The following SCARA5 variants were observed in gnomAD, a reference collection of about 807,000 sequenced individuals.
SCARA5 encodes scavenger receptor class A member 5.
Under a neutral mutation model 46.3 loss-of-function variants are expected in SCARA5, and 45 were observed. The ratio of observed to expected loss-of-function variants is 0.97; its 90% confidence interval spans 0.76 to 1.24. The LOEUF is 1.24. Ranked by LOEUF, SCARA5 falls within the 50% of genes most tolerant of loss-of-function variation. SCARA5 has a pLI of 0.00. For missense variants in SCARA5, 680 were observed against 689.0 expected (o/e 0.99, Z 0.15); for synonymous variants, 333 against 306.5 (o/e 1.09, Z -0.90).
chr8:27,880,903 T>C (rs1189435820), intron 7 of SCARA5, among the ~76,000 whole-genome samples: 1 of 147,398 alleles, frequency 6.8e-6, no homozygotes, highest in Non-Finnish European at 1.5e-5. Context: ...AACAGATATT[T>C]CTCAAAAGAA....
At chr8:27,901,552 G>A (rs1242878504) in intron 7 of SCARA5, among the ~76,000 whole-genome samples, 5 of 152,238 alleles carry the variant, frequency 3.3e-5, no homozygotes, top group East Asian at 3.9e-4. Flanking sequence ...CTCCCCCACA[G>A]AGCCCGGGTC....
chr8:27,980,921 C>G (rs1470466184), intron 2 of SCARA5, among the ~76,000 whole-genome samples: 1 of 152,182 alleles, frequency 6.6e-6, no homozygotes, highest in East Asian at 1.9e-4. Context: ...AAAACACTCT[C>G]CAGGCCAGGG....
rs778973809 is a variant in SCARA5, at chr8:27,871,920, G to A, written c.*14C>T. ...TGCTCTGTGCAGGACCCCGAACTTG[G>A]GCTCTGCCCACTTTCAGTGTCTGTT... On this transcript the variant is annotated 3_prime_UTR_variant, in exon 9 of 9. Transcript: ENST00000354914. 4.3e-6 allele frequency: 7 copies of A among 1,613,766 alleles called. No individual in the cohort carries two copies. The South Asian group carries it at 7.7e-5, about 18-fold the overall frequency.
intron 4 of SCARA5, among the ~76,000 whole-genome samples, chr8:27,918,621 GGGAGCAGGA>G (rs1807510288): frequency 8.0e-6 from 1 of 124,802 alleles, no homozygotes; most frequent in Non-Finnish European, 1.7e-5. Flanking sequence ...GAAGAGGAGG[GGGAGCAGGA>G]GGAGGAAGAT....
intron 4 of SCARA5, among the ~76,000 whole-genome samples, chr8:27,915,736 G>T (rs960191734): frequency 6.6e-6 from 1 of 152,154 alleles, no homozygotes; most frequent in African/African-American, 2.4e-5. Flanking sequence ...GTCACTGGAT[G>T]GTTTTGTGAC....
At chr8:27,890,814 C>T (rs1198114538) in intron 7 of SCARA5, among the ~76,000 whole-genome samples, 15 of 152,246 alleles carry the variant, frequency 9.9e-5, no homozygotes, top group Non-Finnish European at 2.2e-4. Context: ...CCCCGCCTTG[C>T]TAATTGATGT....
chr8:27,900,134 T>A (rs1486608418), intron 7 of SCARA5, among the ~76,000 whole-genome samples: 2 of 144,704 alleles, frequency 1.4e-5, no homozygotes, highest in African/African-American at 2.8e-5. Flanking sequence ...CAAGACTCCA[T>A]CTAAAAAAAA....
chr8:27,970,269 G>T (rs1808429016), intron 2 of SCARA5, among the ~76,000 whole-genome samples: 1 of 152,138 alleles, frequency 6.6e-6, no homozygotes, highest in Admixed American at 6.6e-5. Flanking sequence ...TGGCAGCCTG[G>T]CCAATATCTT....
rs1231578632 is a variant in SCARA5 at position 27,909,644 on chromosome 8, C to A, written c.997+19G>T. ...ATTGGGGATCTCTCCCAGGTACCAC[C>A]CAGGGGCACGCTCATTACCTCGAAG... On this transcript the variant is annotated intron_variant, in intron 5 of 8. Transcript: ENST00000354914. 6.6e-7 allele frequency: 1 copy of A among 1,515,982 alleles called. No individual in the cohort carries two copies. Among genetic ancestry groups the A allele is most frequent in the Non-Finnish European group, 9.0e-7 (1 of 1,114,648 alleles). 93.9% of individuals were successfully genotyped at this position (1,515,982 alleles called of 1,614,324 possible).
chr8:27,929,147 T>G (rs1264122206), intron 3 of SCARA5, among the ~76,000 whole-genome samples: 2 of 152,198 alleles, frequency 1.3e-5, no homozygotes, highest in Non-Finnish European at 2.9e-5. Flanking sequence ...TAATCTATGA[T>G]TAATGTATTC....
chr8:27,977,432 G>T (rs990346692), intron 2 of SCARA5, among the ~76,000 whole-genome samples: 1 of 152,136 alleles, frequency 6.6e-6, no homozygotes, highest in African/African-American at 2.4e-5. Context: ...CGGACTCCCA[G>T]CGGATCAGCC....
chr8:27,904,587 C>G (rs1432977096), intron 7 of SCARA5, 191 bp downstream of exon 7: 12 of 666,850 alleles, frequency 1.8e-5, no homozygotes, highest in Non-Finnish European at 2.9e-5. Context: ...AGAAATGTGG[C>G]CAGTGCCCCT....
At chr8:27,985,146 T>C (rs1808687363) in intron 2 of SCARA5, among the ~76,000 whole-genome samples, 1 of 151,958 alleles carries the variant, frequency 6.6e-6, no homozygotes, top group African/African-American at 2.4e-5. Context: ...ATGATACATG[T>C]AAATAAGGAG....
intron 3 of SCARA5, among the ~76,000 whole-genome samples, chr8:27,962,236 A>G (rs949659831): frequency 3.6e-4 from 55 of 152,198 alleles, no homozygotes; most frequent in African/African-American, 1.3e-3. Flanking sequence ...ATATCCTCAT[A>G]CAAGGGATGA....
intron 3 of SCARA5, among the ~76,000 whole-genome samples, chr8:27,958,996 G>A (rs537426862): frequency 1.2e-4 from 19 of 152,290 alleles, no homozygotes; most frequent in East Asian, 1.2e-3. Flanking sequence ...ACGTTGGGAG[G>A]CCGAGGCAGG....
chr8:27,982,621 G>A (rs1275514348), intron 2 of SCARA5, among the ~76,000 whole-genome samples: 1 of 152,230 alleles, frequency 6.6e-6, no homozygotes, highest in African/African-American at 2.4e-5. Context: ...GGGCCCCGAG[G>A]AGGACAGCAA....
At chr8:27,922,793 G>A (rs1473001058) in intron 3 of SCARA5, among the ~76,000 whole-genome samples, 1 of 142,754 alleles carries the variant, frequency 7.0e-6, no homozygotes, top group Non-Finnish European at 1.6e-5. Flanking sequence ...ATAGTAAGGG[G>A]GGTCTTTAGG....
chr8:27,884,401 A>G (rs1806860433), intron 7 of SCARA5, among the ~76,000 whole-genome samples: 1 of 152,140 alleles, frequency 6.6e-6, no homozygotes, highest in Non-Finnish European at 1.5e-5. Context: ...ACCAAGAGGG[A>G]CCCGGCCGCT....
At chr8:27,987,654 G>C in intron 1 of SCARA5, 24 bp from the exon 2 acceptor site, 1 of 1,403,858 alleles carries the variant, frequency 7.1e-7, no homozygotes, top group Non-Finnish European at 1.0e-6. Context: ...AAGAGGGGAG[G>C]AGAGGGAGGA....
Sources: gnomAD v4.1 joint callset for allele counts (sites outside exome capture counted in the v4.1 genomes callset) on GRCh38, gnomAD v4.1.1 for gene constraint, MANE v1.5 for transcripts, NCBI Gene and HGNC (gene_info 2026-07-23, HGNC 2026-07-21) for gene names.